The following ZNF184 variants were observed in gnomAD, a reference collection of about 807,000 sequenced individuals.
ZNF184 encodes the protein zinc finger protein 184, also known as zinc finger protein 184 (Kruppel-like).
Under a neutral mutation model 54.4 loss-of-function variants are expected in ZNF184, and 16 were observed. The ratio of observed to expected loss-of-function variants is 0.29; its 90% CI spans 0.20 to 0.45. ZNF184 has a LOEUF of 0.45. ZNF184 is among the 20% of genes least tolerant of loss of function. The pLI, the probability that ZNF184 is intolerant of heterozygous loss-of-function variation, is 1.00. For missense variants in ZNF184, 681 were observed against 888.2 expected (o/e 0.77, Z 2.97); for synonymous variants, 254 against 295.3 (o/e 0.86, Z 1.43).
intron 2 of ZNF184, among the ~76,000 whole-genome samples, chr6:27,468,327 G>A (rs1291097170): frequency 6.6e-6 from 1 of 152,156 alleles, no homozygotes; most frequent in East Asian, 1.9e-4. Context: ...AATGACATAT[G>A]CTACTTACTC....
At chr6:27,409,515 A>ACAAAAAC in the ZNF184 span, among the ~76,000 whole-genome samples, 1 of 149,724 alleles carries the variant, frequency 6.7e-6, no homozygotes, top group African/African-American at 2.5e-5. Flanking sequence ...AAAAAAAAAA[A>ACAAAAAC]AAAAAACACA....
chr6:27,405,231 G>A, the ZNF184 span: 2 of 152,214 alleles, frequency 1.3e-5, no homozygotes, highest in African/African-American at 4.8e-5. Context: ...TCCTACAGAA[G>A]GTATTCCAGA....
chr6:27,434,924 G>A, the ZNF184 span, among the ~76,000 whole-genome samples: 2 of 152,146 alleles, frequency 1.3e-5, no homozygotes. Flanking sequence ...CCTCTGCCCA[G>A]TGAATGGTCT....
chr6:27,447,473 G>A (rs1762650870), downstream of ZNF184, among the ~76,000 whole-genome samples: 1 of 152,070 alleles, frequency 6.6e-6, no homozygotes, highest in African/African-American at 2.4e-5. Context: ...GGCACTTTGG[G>A]AGGCCGAGGC....
At chr6:27,424,391 G>A in the ZNF184 span, among the ~76,000 whole-genome samples, 1 of 152,140 alleles carries the variant, frequency 6.6e-6, no homozygotes, top group Non-Finnish European at 1.5e-5. Context: ...TGCTGGCCCC[G>A]CAGCCTGCTT....
At chr6:27,442,284 T>C in the ZNF184 span, among the ~76,000 whole-genome samples, 1 of 152,140 alleles carries the variant, frequency 6.6e-6, no homozygotes, top group African/African-American at 2.4e-5. Flanking sequence ...CAATAATGTA[T>C]TTGCCGTACT....
At chr6:27,419,743 C>G in the ZNF184 span, among the ~76,000 whole-genome samples, 2 of 152,052 alleles carry the variant, frequency 1.3e-5, no homozygotes, top group Non-Finnish European at 2.9e-5. This position sits in a 1 kb window ranked among gnomAD's most constrained non-coding sequence, Gnocchi z 4.8. Context: ...AAAATCTGAC[C>G]ACTTCTCACC....
intron 3 of ZNF184, among the ~76,000 whole-genome samples, chr6:27,461,431 G>T (rs868461064): frequency 2.0e-5 from 3 of 151,994 alleles, no homozygotes; most frequent in Non-Finnish European, 4.4e-5. Context: ...CTAAAGCGTG[G>T]TCATGGGTCC....
At chr6:27,431,560 G>A in the ZNF184 span, among the ~76,000 whole-genome samples, 1 of 152,152 alleles carries the variant, frequency 6.6e-6, no homozygotes, top group Non-Finnish European at 1.5e-5. Context: ...AACTTATTCT[G>A]CAATATTTCT....
chr6:27,415,228 C>T, the ZNF184 span, among the ~76,000 whole-genome samples: 39 of 152,180 alleles, frequency 2.6e-4, no homozygotes, highest in South Asian at 8.3e-4. Context: ...TTACATAAGT[C>T]CTGAGTCAGA....
intron 3 of ZNF184, among the ~76,000 whole-genome samples, chr6:27,458,186 G>A (rs533165808): frequency 2.7e-5 from 4 of 150,038 alleles, no homozygotes; most frequent in African/African-American, 7.4e-5. Flanking sequence ...AAATCTGGAA[G>A]GCAAAATTTA....
At chr6:27,425,400 A>G in the ZNF184 span, among the ~76,000 whole-genome samples, 2 of 152,234 alleles carry the variant, frequency 1.3e-5, no homozygotes, top group Non-Finnish European at 2.9e-5. Context: ...CACTGTGACA[A>G]TGACCTCATA....
chr6:27,444,936 A>G, the ZNF184 span, among the ~76,000 whole-genome samples: 1 of 152,212 alleles, frequency 6.6e-6, no homozygotes. Context: ...CTTTGCTTAG[A>G]TAGCTAAATC....
chr6:27,433,221 G>A, the ZNF184 span, among the ~76,000 whole-genome samples: 1 of 152,212 alleles, frequency 6.6e-6, no homozygotes, highest in African/African-American at 2.4e-5. Flanking sequence ...TTATACAGCT[G>A]TAGTAAGTGA....
chr6:27,430,566 T>C, the ZNF184 span, among the ~76,000 whole-genome samples: 4 of 151,992 alleles, frequency 2.6e-5, no homozygotes, highest in East Asian at 1.9e-4. Context: ...GAGGCAGAGA[T>C]TGGAGTGATG....
In ZNF184 at chr6:27,472,244, T is replaced by C. The variant is rs1763294354; in HGVS notation, c.7+44A>G. On this transcript the variant is annotated intron_variant, in intron 2 of 5. Coordinates refer to ENST00000683788, the MANE Select transcript of ZNF184 (RefSeq NM_001318891.2). This position sits in a 1 kb window ranked among gnomAD's most constrained non-coding sequence, Gnocchi z 4.8. ...TTTGATACTCCAGTCATGACTGTTC[T>C]CAAGCCTCCATCACCCCGCTCTCCC... is the stretch of plus-strand genomic sequence containing the variant. The C allele has an allele frequency of 6.2e-7, 1 of 1,613,018 alleles. No individual in the cohort carries two copies. Among genetic ancestry groups the C allele is most frequent in the African/African-American group, 1.3e-5 (1 of 74,892 alleles).
chr6:27,461,085 A>T (rs563484014), intron 3 of ZNF184, among the ~76,000 whole-genome samples: 2 of 152,306 alleles, frequency 1.3e-5, no homozygotes, highest in African/African-American at 4.8e-5. Context: ...GAAATTTATG[A>T]GTGTACCAGG....
In ZNF184 at chr6:27,451,288, A is replaced by T. The variant is rs180956733; in HGVS notation, c.*15T>A. On this transcript the variant is annotated 3_prime_UTR_variant, in exon 6 of 6. Transcript: ENST00000683788. ...AGTAAATATCTCCCCTAAATTTATG[A>T]TGTTCCTAGAATTGTCATATGCCAG... 3.9e-5 allele frequency: 61 copies of T among 1,555,074 alleles called. No homozygotes were observed. Among genetic ancestry groups the T allele is most frequent in the Admixed American group, 2.0e-4 (10 of 49,700 alleles).
chr6:27,471,065 A>G (rs1763262973), intron 2 of ZNF184, among the ~76,000 whole-genome samples: 1 of 152,238 alleles, frequency 6.6e-6, no homozygotes, highest in Non-Finnish European at 1.5e-5. Context: ...CTGCATGATA[A>G]TAGTTAGGTC....
Sources: allele counts gnomAD v4.1 joint callset (sites outside exome capture counted in the v4.1 genomes callset), GRCh38; gene constraint gnomAD v4.1.1; non-coding constraint Gnocchi (gnomAD v3.1); transcripts MANE v1.5; gene names NCBI Gene and HGNC (gene_info 2026-07-23, HGNC 2026-07-21).